The following FBXO36 variants were observed in gnomAD, a reference collection of about 807,000 sequenced individuals.
FBXO36 encodes F-box only protein 36.
Under a neutral mutation model 17.0 loss-of-function variants are expected in FBXO36, and 18 were observed. That is an observed-to-expected ratio of 1.06 (90% CI 0.73 to 1.57). The LOEUF is 1.57. Ranked by LOEUF, FBXO36 falls within the 40% of genes most tolerant of loss-of-function variation. FBXO36 has a pLI of 0.00. For missense variants in FBXO36, 229 were observed against 221.9 expected (o/e 1.03, Z -0.20); for synonymous variants, 83 against 85.3 (o/e 0.97, Z 0.15).
intron 1 of FBXO36, among the ~76,000 whole-genome samples, chr2:229,969,714 T>C (rs1467499301): frequency 6.6e-6 from 1 of 151,992 alleles, no homozygotes; most frequent in African/African-American, 2.4e-5. Context: ...TAAAATAAAA[T>C]TGATAAATTG....
chr2:229,977,064 A>G (rs557231055), intron 2 of FBXO36: 12 of 152,264 alleles, frequency 7.9e-5, no homozygotes, highest in Admixed American at 2.0e-4. Flanking sequence ...CTGACTGGTA[A>G]AGTCTCTGGT....
At chr2:229,977,533 C>T (rs1440892814) in intron 2 of FBXO36, among the ~76,000 whole-genome samples, 1 of 152,132 alleles carries the variant, frequency 6.6e-6, no homozygotes, top group African/African-American at 2.4e-5. Context: ...TCACTGCAAC[C>T]TCTACCTCCC....
At chr2:229,989,862 C>T (rs932835444) in intron 2 of FBXO36, among the ~76,000 whole-genome samples, 3 of 152,068 alleles carry the variant, frequency 2.0e-5, no homozygotes, top group Non-Finnish European at 2.9e-5. Context: ...CGTGAGCCAC[C>T]GCACCCGGCT....
chr2:230,010,621 C>T (rs771611188), intron 3 of FBXO36, 75 bp from the exon 4 acceptor site: 8 of 1,368,432 alleles, frequency 5.8e-6, no homozygotes, highest in Non-Finnish European at 8.0e-6. Context: ...CTCCAGTGTC[C>T]CACAGGCAGC....
At chr2:229,923,870 T>C (rs1166183985) in intron 1 of FBXO36, among the ~76,000 whole-genome samples, 1 of 143,592 alleles carries the variant, frequency 7.0e-6, no homozygotes, top group African/African-American at 2.6e-5. Context: ...TTTTTTTTTT[T>C]TGAGACGGAG....
At position 229,993,936 on chromosome 2, in the gene FBXO36, T is replaced by C. The variant is rs1013149506; in HGVS notation, c.206-2815T>C. ...ACGCCCGGCTAATTTTTTTTTTTTCTTTTTGTTTTGTATTTTTAGTAGGGA... is the reference window on the plus strand; with the variant it reads ...ACGCCCGGCTAATTTTTTTTTTTTCCTTTTGTTTTGTATTTTTAGTAGGGA... On this transcript the variant is annotated intron_variant, in intron 2 of 3. Transcript: ENST00000283946. 2.6e-5 allele frequency among the ~76,000 whole-genome samples: 4 copies of C among 151,628 alleles called. No homozygotes were observed. In the East Asian group the frequency reaches 7.7e-4, roughly 29 times the overall value.
chr2:229,969,523 C>G (rs1489687009), intron 1 of FBXO36, among the ~76,000 whole-genome samples: 5 of 152,068 alleles, frequency 3.3e-5, no homozygotes, highest in Non-Finnish European at 7.4e-5. Flanking sequence ...CCTGTCTCTA[C>G]TAAAAATACA....
intron 3 of FBXO36, among the ~76,000 whole-genome samples, chr2:230,000,103 A>G (rs1229216335): frequency 6.6e-6 from 1 of 152,056 alleles, no homozygotes; most frequent in Non-Finnish European, 1.5e-5. Flanking sequence ...CACACCTGTA[A>G]TCCCAGCACT....
chr2:229,933,872 G>T (rs1339690823), intron 1 of FBXO36, among the ~76,000 whole-genome samples: 1 of 151,960 alleles, frequency 6.6e-6, no homozygotes, highest in Non-Finnish European at 1.5e-5. Context: ...TTTTAGTAAA[G>T]ATGGGATTTT....
intron 2 of FBXO36, among the ~76,000 whole-genome samples, chr2:229,988,901 C>G (rs1004683226): frequency 2.3e-4 from 33 of 140,458 alleles, no homozygotes; most frequent in African/African-American, 7.8e-4. Flanking sequence ...ATGCTTTATA[C>G]TAAAGCATAT....
chr2:229,968,973 C>T (rs1046677148), intron 1 of FBXO36, among the ~76,000 whole-genome samples: 2 of 151,868 alleles, frequency 1.3e-5, no homozygotes, highest in African/African-American at 4.8e-5. Context: ...GGGGTTTCAC[C>T]ATGTTGGCCA....
chr2:229,946,755 A>C (rs1355083684), intron 1 of FBXO36, among the ~76,000 whole-genome samples: 1 of 152,208 alleles, frequency 6.6e-6, no homozygotes, highest in Non-Finnish European at 1.5e-5. Context: ...GTAAGAGCCT[A>C]ATGTTCAGCG....
intron 2 of FBXO36, among the ~76,000 whole-genome samples, chr2:229,991,423 G>A (rs1056386706): frequency 6.6e-6 from 1 of 152,076 alleles, no homozygotes; most frequent in African/African-American, 2.4e-5. Flanking sequence ...TTAAGTTGGG[G>A]CCCTAATCTG....
intron 3 of FBXO36, among the ~76,000 whole-genome samples, chr2:230,000,376 A>G (rs974709322): frequency 1.1e-4 from 17 of 151,032 alleles, no homozygotes; most frequent in Admixed American, 5.3e-4. Flanking sequence ...AAAAAAAAAA[A>G]AAGAAGCAGC....
rs11441584 is a variant in FBXO36 at position 229,931,918 on chromosome 2, A to ATTTTTTTTTTTTTTTTTTTTTT, written c.96+9310_96+9311insTTTTTTTTTTTTTTTTTTTTTT. Among the ~76,000 whole-genome samples the ATTTTTTTTTTTTTTTTTTTTTT allele has an allele frequency of 1.4e-5, 2 of 142,770 alleles. 1 individual carries two copies. 93.7% of individuals were successfully genotyped at this position (142,770 alleles called of 152,430 possible). ...TGGTTTTTTGCTTGTATATGTGTAT[A>ATTTTTTTTTTTTTTTTTTTTTT]TATTTTTTTTTTTTTTTAGACAGGG... is the stretch of plus-strand genomic sequence containing the variant. On this transcript the variant is annotated intron_variant, in intron 1 of 3. Transcript: ENST00000283946.
At chr2:229,971,412 G>A (rs143975947) in intron 1 of FBXO36, among the ~76,000 whole-genome samples, 24 of 151,514 alleles carry the variant, frequency 1.6e-4, no homozygotes, top group Middle Eastern at 3.4e-3. Context: ...CTTTCTCAGA[G>A]TCCCAGCAGA....
chr2:230,003,621 C>T (rs191886409), intron 3 of FBXO36, among the ~76,000 whole-genome samples: 121 of 152,156 alleles, frequency 8.0e-4, no homozygotes, highest in African/African-American at 2.6e-3. Flanking sequence ...CAACCTCCAC[C>T]TCCCAGGTTC....
Position 229,976,239 on chromosome 2 carries a change from AG to A in FBXO36, c.97del, listed in dbSNP as rs1426328363. 6.3e-7 allele frequency: 1 copy of A among 1,585,324 alleles called. No individual in the cohort carries two copies. Among genetic ancestry groups the A allele is most frequent in the Non-Finnish European group, 8.6e-7 (1 of 1,166,218 alleles). On this transcript the variant is annotated splice_acceptor_variant, in intron 1 of 3. Coordinates refer to ENST00000283946, the MANE Select transcript of FBXO36 (RefSeq NM_174899.5). LOFTEE classifies it high-confidence loss of function. ...TTCATATCACTTTGTATTTAATTAT[AG>A]GTAATCTTTAGATGGTGGAAGATCT... is the stretch of plus-strand genomic sequence containing the variant.
intron 2 of FBXO36, among the ~76,000 whole-genome samples, chr2:229,984,228 G>C (rs1457947373): frequency 5.3e-5 from 8 of 151,300 alleles, no homozygotes; most frequent in Non-Finnish European, 4.4e-5. Context: ...CGTGCCTGTA[G>C]TCCCAGCTAC....
Sources: allele counts gnomAD v4.1 joint callset (sites outside exome capture counted in the v4.1 genomes callset), GRCh38; gene constraint gnomAD v4.1.1; transcripts MANE v1.5; gene names NCBI Gene and HGNC (gene_info 2026-07-23, HGNC 2026-07-21).